Variants in KCNG4 observed in about 807,000 individuals in gnomAD.
The protein encoded by KCNG4 is voltage-gated potassium channel regulatory subunit KCNG4.
KCNG4 carries 30 observed loss-of-function variants against 28.2 expected under a neutral mutation model. The observed-to-expected ratio is 1.06, with a 90% CI of 0.80 to 1.44. KCNG4 has a LOEUF of 1.44. KCNG4 is among the 40% of genes most tolerant of loss of function. KCNG4 has a pLI of 0.00. For synonymous variants in KCNG4, 375 were observed against 315.5 expected (o/e 1.19, Z -2.00); for missense variants, 879 against 712.3 (o/e 1.23, Z -2.66).
intron 2 of KCNG4, among the ~76,000 whole-genome samples, chr16:84,223,916 C>T (rs1484400924): frequency 6.6e-6 from 1 of 152,134 alleles, no homozygotes; most frequent in Non-Finnish European, 1.5e-5. Context: ...CAAGACAGCC[C>T]TTGGGATGTG....
chr16:84,229,960 C>A lies in KCNG4; in HGVS notation c.756+6770G>T, dbSNP rs79241668. Among the ~76,000 whole-genome samples the A allele has an allele frequency of 3.6e-3, 548 of 152,222 alleles. 1 individual carries two copies. Among genetic ancestry groups the A allele is most frequent in the African/African-American group, 0.013 (524 of 41,534 alleles). ...TTTTTTAGGAAGCTGATTCATGGTC[C>A]GAGAAAGGGACAGATGAGGAGGCAG... On this transcript the variant is annotated intron_variant, in intron 2 of 2. Transcript: ENST00000308251.
chr16:84,220,115 A>T lies in KCNG4; in HGVS notation c.*2102T>A, dbSNP rs765148595. ...TAAAATGTTACTCTGGAACAGAAAC[A>T]CTTCTATGGCTACTGTCCAAGGTGC... On this transcript the variant is annotated 3_prime_UTR_variant, in exon 3 of 3. Transcript: ENST00000308251. 1 of 152,204 alleles carries T rather than the reference A, an allele frequency of 6.6e-6. No homozygotes were observed. The highest frequency in any genetic ancestry group is 1.5e-5 in the Non-Finnish European group (1 of 68,040). The allele number at this position is 152,204 out of a possible 1,614,324, so 9.4% of individuals were successfully genotyped here.
chr16:84,230,005 G>T (rs938271245), intron 2 of KCNG4, among the ~76,000 whole-genome samples: 3 of 152,076 alleles, frequency 2.0e-5, no homozygotes, highest in Non-Finnish European at 2.9e-5. Context: ...CTTGTACAGG[G>T]CCTCTTACTA....
In KCNG4 at chr16:84,221,878, CT is replaced by C. The variant is rs757753073; in HGVS notation, c.*338del. ...ATGCAAATACCAATGGTTACCAGTTCTATGGGCATCCAGAACCCAGCCTGGG... is the reference window on the plus strand; with the variant it reads ...ATGCAAATACCAATGGTTACCAGTTCATGGGCATCCAGAACCCAGCCTGGG... On this transcript the variant is annotated 3_prime_UTR_variant, in exon 3 of 3. Transcript: ENST00000308251. 1.6e-3 allele frequency: 521 copies of C among 318,006 alleles called. 1 individual carries two copies. Among genetic ancestry groups the C allele is most frequent in the Admixed American group, 2.4e-3 (51 of 21,170 alleles). The allele number at this position is 318,006 out of a possible 1,614,324, so 19.7% of individuals were successfully genotyped here. A position where few individuals can be genotyped will look rare whatever the true frequency, so the allele number is the denominator to read the frequency against.
intron 2 of KCNG4, among the ~76,000 whole-genome samples, chr16:84,232,927 C>A (rs1387194771): frequency 6.7e-6 from 1 of 148,496 alleles, no homozygotes; most frequent in African/African-American, 2.5e-5. Context: ...TAGAGCAGGG[C>A]TGCTCAGAAT....
In KCNG4 at chr16:84,226,606, C is replaced by T. The variant is rs756466673; in HGVS notation, c.757-3586G>A. On this transcript the variant is annotated intron_variant, in intron 2 of 2. Transcript: ENST00000308251. This position sits in a 1 kb window ranked among gnomAD's most constrained non-coding sequence, Gnocchi z 4.1. ...AGAATGGCAGAATATTGGCTGGGCA[C>T]AATGGCTCACGCCTGTAATCCCAGC... Among the ~76,000 whole-genome samples the T allele has an allele frequency of 3.3e-5, 5 of 151,810 alleles. No homozygotes were observed. The highest frequency in any genetic ancestry group is 7.4e-5 in the Non-Finnish European group (5 of 67,920).
chr16:84,227,007 GAA>G (rs1208721670), intron 2 of KCNG4, among the ~76,000 whole-genome samples: 3 of 151,342 alleles, frequency 2.0e-5, no homozygotes, highest in Non-Finnish European at 4.4e-5. Context: ...TCTCCATGAT[GAA>G]AAGTTAAAAA....
At chr16:84,231,410 G>A (rs1353589843) in intron 2 of KCNG4, among the ~76,000 whole-genome samples, 2 of 152,090 alleles carry the variant, frequency 1.3e-5, no homozygotes, top group Non-Finnish European at 2.9e-5. Flanking sequence ...CACTGCAGGT[G>A]GCCAGTGGTG....
chr16:84,224,491 G>A (rs1010800985), intron 2 of KCNG4, among the ~76,000 whole-genome samples: 1 of 151,912 alleles, frequency 6.6e-6, no homozygotes, highest in Non-Finnish European at 1.5e-5. Context: ...CAACTTCTCT[G>A]TGTAAAAGGC....
rs111280658 is a variant in KCNG4 at position 84,227,920 on chromosome 16, G to C, written c.757-4900C>G. Among the ~76,000 whole-genome samples the C allele has an allele frequency of 5.5e-3, 832 of 152,276 alleles. 11 individuals are homozygous for C. Among genetic ancestry groups the C allele is most frequent in the African/African-American group, 0.019 (774 of 41,550 alleles). On this transcript the variant is annotated intron_variant, in intron 2 of 2. Transcript: ENST00000308251. ...AGGGGTGGGTGTCCGGGGCTGGATG[G>C]AGGAGGAGGGTAGCAGTGATGGCTG...
chr16:84,235,657 G>T (rs1904929554), intron 2 of KCNG4: 1 of 152,186 alleles, frequency 6.6e-6, no homozygotes, highest in African/African-American at 2.4e-5. Context: ...CTCTGATCCT[G>T]TTGTCTTGCC....
chr16:84,231,618 T>G (rs1007405564), intron 2 of KCNG4, among the ~76,000 whole-genome samples: 1 of 152,192 alleles, frequency 6.6e-6, no homozygotes, highest in Non-Finnish European at 1.5e-5. Flanking sequence ...CCAGTCAGCC[T>G]GTAAAATGAC....
chr16:84,227,667 C>G (rs1245035337), intron 2 of KCNG4, among the ~76,000 whole-genome samples: 2 of 152,154 alleles, frequency 1.3e-5, no homozygotes, highest in East Asian at 3.9e-4. Context: ...GTAGAGACAA[C>G]TTAAACATCC....
chr16:84,221,322 T>C lies in KCNG4; in HGVS notation c.*895A>G, dbSNP rs1904551471. The C allele has an allele frequency of 6.6e-6, 1 of 152,236 alleles. No individual in the cohort carries two copies. The allele number at this position is 152,236 out of a possible 1,614,324, so 9.4% of individuals were successfully genotyped here. On this transcript the variant is annotated 3_prime_UTR_variant, in exon 3 of 3. Coordinates refer to ENST00000308251, the MANE Select transcript of KCNG4 (RefSeq NM_172347.3). ...ATGAAAAGCTAAGGCCCCTGCAGTG[T>C]GGGAGCAACCAGCAGCAGGAACGAT...
rs139217601 is a variant in KCNG4, at chr16:84,238,561, C to T, written c.-40-1036G>A. ...GCCAGTTACTCCCCCTCTCTGGGCC[C>T]GCAGGCTTTTATGTGCAGAATGAAG... is the stretch of plus-strand genomic sequence containing the variant. On this transcript the variant is annotated intron_variant, in intron 1 of 2. Coordinates refer to ENST00000308251, the MANE Select transcript of KCNG4 (RefSeq NM_172347.3). Among the ~76,000 whole-genome samples, 1,474 of 152,272 alleles carry T rather than the reference C, an allele frequency of 9.7e-3. 23 individuals are homozygous for T. The highest frequency in any genetic ancestry group is 0.034 in the African/African-American group (1,417 of 41,572).
intron 1 of KCNG4, 96 bp from the exon 2 acceptor site, chr16:84,237,621 G>T: frequency 1.3e-6 from 1 of 781,386 alleles, no homozygotes; most frequent in Non-Finnish European, 1.8e-6. Context: ...TCTTACGTGT[G>T]CTTTCCTGTG....
chr16:84,236,363 C>T lies in KCNG4; in HGVS notation c.756+367G>A, dbSNP rs144209113. ...CTTCGAGGTGATGTTACCCATTTCA[C>T]GGAGTGGGAGACAGGCTCAGAGAGG... On this transcript the variant is annotated intron_variant, in intron 2 of 2. Coordinates refer to ENST00000308251, the MANE Select transcript of KCNG4 (RefSeq NM_172347.3). 5.0e-3 allele frequency: 1,820 copies of T among 365,290 alleles called. 13 individuals carry two copies. Among genetic ancestry groups the T allele is most frequent in the African/African-American group, 0.023 (1,088 of 47,914 alleles). 22.6% of individuals were successfully genotyped at this position (365,290 alleles called of 1,614,324 possible).
chr16:84,223,892 G>C (rs1438679754), intron 2 of KCNG4, among the ~76,000 whole-genome samples: 1 of 152,240 alleles, frequency 6.6e-6, no homozygotes, highest in South Asian at 2.1e-4. Context: ...GGGCAGAGAG[G>C]GTTCCTGAAT....
At chr16:84,231,347 T>C (rs1026218895) in intron 2 of KCNG4, among the ~76,000 whole-genome samples, 6 of 152,138 alleles carry the variant, frequency 3.9e-5, no homozygotes, top group Admixed American at 3.9e-4. Context: ...GACCTGATAC[T>C]ATCTGCAGTG....
Sources: allele counts gnomAD v4.1 joint callset (sites outside exome capture counted in the v4.1 genomes callset), GRCh38; gene constraint gnomAD v4.1.1; non-coding constraint Gnocchi (gnomAD v3.1); transcripts MANE v1.5; gene names NCBI Gene and HGNC (gene_info 2026-07-23, HGNC 2026-07-21).